Variants in FGD6 observed in about 807,000 individuals in gnomAD.
The protein encoded by FGD6 is FYVE, RhoGEF and PH domain containing 6, also known as FYVE, RhoGEF and PH domain-containing protein 6.
Under a neutral mutation model 149.4 loss-of-function variants are expected in FGD6, and 90 were observed. The ratio of observed to expected loss-of-function variants is 0.60; its 90% CI spans 0.51 to 0.72. The LOEUF (loss-of-function observed/expected upper bound fraction) is 0.72. Ranked by LOEUF, FGD6 falls within the 30% of genes least tolerant of loss-of-function variation. FGD6 has a pLI of 0.00. For synonymous variants in FGD6, 527 were observed against 584.0 expected, an observed-to-expected ratio of 0.90 and a Z score of 1.41; for missense variants, 1,437 against 1,684.8, an observed-to-expected ratio of 0.85 and a Z score of 2.57.
chr12:95,146,916 C>T (rs556479216), intron 5 of FGD6, among the ~76,000 whole-genome samples: 10 of 152,224 alleles, frequency 6.6e-5, no homozygotes, highest in Non-Finnish European at 5.9e-5. Context: ...GCATCTGAGG[C>T]AATGAAGCAC....
At chr12:95,096,855 T>C (rs1235396270) in intron 14 of FGD6, among the ~76,000 whole-genome samples, 1 of 152,246 alleles carries the variant, frequency 6.6e-6, no homozygotes, top group Non-Finnish European at 1.5e-5. Flanking sequence ...AACTACATGA[T>C]GAGAATACAT....
In FGD6 at chr12:95,177,735, A is replaced by C. The variant is rs115504840; in HGVS notation, c.2442-4991T>G. ...AAATTAGCAAAATAAATTTCAAGTT[A>C]TTTAGTAGTTATTATAGCACACTAA... is the stretch of plus-strand genomic sequence containing the variant. On this transcript the variant is annotated intron_variant, in intron 2 of 20. Coordinates refer to ENST00000343958, the MANE Select transcript of FGD6 (RefSeq NM_018351.4). 6.3e-3 allele frequency among the ~76,000 whole-genome samples: 965 copies of C among 152,264 alleles called. 16 individuals are homozygous for C. Among genetic ancestry groups the C allele is most frequent in the African/African-American group, 0.022 (914 of 41,548 alleles).
At chr12:95,205,203 G>T (rs1276669928) in intron 2 of FGD6, among the ~76,000 whole-genome samples, 1 of 152,044 alleles carries the variant, frequency 6.6e-6, no homozygotes, top group African/African-American at 2.4e-5. Flanking sequence ...AGGAGGTCAA[G>T]GCTACAGTGA....
At chr12:95,164,064 C>T (rs544984814) in intron 3 of FGD6, among the ~76,000 whole-genome samples, 5 of 152,266 alleles carry the variant, frequency 3.3e-5, no homozygotes, top group South Asian at 2.1e-4. Flanking sequence ...TAAATAACAG[C>T]GTCTCCCAAA....
chr12:95,174,426 G>A (rs1221729398), intron 2 of FGD6, among the ~76,000 whole-genome samples: 1 of 152,090 alleles, frequency 6.6e-6, no homozygotes, highest in Non-Finnish European at 1.5e-5. Context: ...ATCGGCAGCA[G>A]CATCACCTGG....
intron 7 of FGD6, 63 bp from the exon 8 acceptor site, chr12:95,134,889 A>C: frequency 2.2e-6 from 3 of 1,381,110 alleles, no homozygotes; most frequent in Non-Finnish European, 3.0e-6. Flanking sequence ...CCCAGATTCA[A>C]GTGCTCAGGA....
intron 5 of FGD6, among the ~76,000 whole-genome samples, chr12:95,150,966 G>C (rs1171824706): frequency 1.3e-5 from 2 of 151,932 alleles, no homozygotes; most frequent in Non-Finnish European, 2.9e-5. Context: ...CGTGGTGGAT[G>C]GCTGTGGTCC....
intron 16 of FGD6, among the ~76,000 whole-genome samples, chr12:95,092,206 C>T (rs192470818): frequency 1.3e-5 from 2 of 152,294 alleles, no homozygotes; most frequent in East Asian, 3.9e-4. Context: ...TTTTGGGCTC[C>T]ATACTAAATG....
Position 95,209,640 on chromosome 12 carries a change from G to A in FGD6, c.1644C>T (p.Asn548=). ...TATCAAAGGAGGATGACACACCACG[G>A]TTTTGGGCACACAAATGCTGAAGGT... ...RNHLQHLCAQ[N]RGVSSSFDMP... is the part of the protein sequence containing the mutation. The change falls in exon 2 of 21, where the codon AAC becomes AAT. Residue 548 remains asparagine, a synonymous_variant. Coordinates refer to ENST00000343958, the MANE Select transcript of FGD6 (RefSeq NM_018351.4). 1 of 1,613,394 alleles carries A rather than the reference G, an allele frequency of 6.2e-7. No individual in the cohort carries two copies. Among genetic ancestry groups the A allele is most frequent in the Middle Eastern group, 1.7e-4 (1 of 6,058 alleles).
rs1878041576 is a variant in FGD6, at chr12:95,091,110, A to C, written c.3850+597T>G. 2.6e-5 allele frequency among the ~76,000 whole-genome samples: 4 copies of C among 152,326 alleles called. No individual in the cohort carries two copies. In the South Asian group the frequency reaches 8.3e-4, roughly 32 times the overall value. ...CCCATCTCAAAAAATATATATAAAT[A>C]AAATTTAGATCCTACAGGTTTCAGG... is the stretch of plus-strand genomic sequence containing the variant. On this transcript the variant is annotated intron_variant, in intron 17 of 20. Transcript: ENST00000343958.
chr12:95,209,969 C>T lies in FGD6; in HGVS notation c.1315G>A (p.Ala439Thr). 1.2e-6 allele frequency: 2 copies of T among 1,612,158 alleles called. No homozygotes were observed. Among genetic ancestry groups the T allele is most frequent in the Non-Finnish European group, 1.7e-6 (2 of 1,179,326 alleles). The change falls in exon 2 of 21, where the codon GCT becomes ACT. Residue 439 changes from alanine (A) to threonine (T), a missense_variant. Ala to Thr is a moderately conservative substitution (Grantham distance 58, BLOSUM62 0). Coordinates refer to ENST00000343958, the MANE Select transcript of FGD6 (RefSeq NM_018351.4). ...ATAAAACCGGTCCCTTCGTCCACAG[C>T]AAGCGACATACTAGAACCATCTACA... The part of the protein sequence containing the change: ...TTVDGSSMSL[A>T]VDEGTGFIRC...
Position 95,137,465 on chromosome 12 carries a change from T to C in FGD6, c.2994+57A>G, listed in dbSNP as rs891941174. On this transcript the variant is annotated intron_variant, in intron 7 of 20. Transcript: ENST00000343958. Reference sequence around the variant, plus strand: ...GTTTTCAATGACTGCAACTTGTTATTAAAGCTTCAACAACAAAAAGAAAGA... The same window carrying C: ...GTTTTCAATGACTGCAACTTGTTATCAAAGCTTCAACAACAAAAAGAAAGA... The C allele has an allele frequency of 6.5e-6, 9 of 1,374,976 alleles. No individual in the cohort carries two copies. In the African/African-American group the frequency reaches 1.3e-4, roughly 20 times the overall value. 85.2% of individuals were successfully genotyped at this position (1,374,976 alleles called of 1,614,324 possible). A position where few individuals can be genotyped will look rare whatever the true frequency, so the allele number is the denominator to read the frequency against.
chr12:95,172,513 C>A, intron 3 of FGD6, 87 bp downstream of exon 3: 2 of 1,202,600 alleles, frequency 1.7e-6, no homozygotes, highest in Non-Finnish European at 1.1e-6. Context: ...TAAGAAAACT[C>A]ACAAGGGTTT....
At chr12:95,190,519 G>A (rs1881557499) in intron 2 of FGD6, among the ~76,000 whole-genome samples, 1 of 152,040 alleles carries the variant, frequency 6.6e-6, no homozygotes, top group African/African-American at 2.4e-5. Context: ...ATAGCTCTTA[G>A]GTAATACTCT....
At chr12:95,090,021 A>T (rs1565892697) in intron 17 of FGD6, among the ~76,000 whole-genome samples, 3 of 152,174 alleles carry the variant, frequency 2.0e-5, no homozygotes, top group African/African-American at 7.2e-5. Context: ...GAACCCTGGT[A>T]TTGTTAAGTG....
chr12:95,097,895 T>C (rs1280115505), intron 14 of FGD6, among the ~76,000 whole-genome samples: 2 of 152,108 alleles, frequency 1.3e-5, no homozygotes, highest in Admixed American at 6.6e-5. Context: ...ATAAATAACA[T>C]AGAAGTAGTA....
rs1555215606 is a variant in FGD6 at position 95,083,030 on chromosome 12, TACACACAC to T, written c.4256+1460_4256+1467del. Among the ~76,000 whole-genome samples, 65 of 56,596 alleles carry T rather than the reference TACACACAC, an allele frequency of 1.1e-3. 4 individuals carry two copies. The highest frequency in any genetic ancestry group is 4.9e-3 in the African/African-American group (61 of 12,364). The allele number at this position is 56,596 out of a possible 152,430, so 37.1% of individuals were successfully genotyped here. A position where few individuals can be genotyped will look rare whatever the true frequency, so the allele number is the denominator to read the frequency against. ...AAAAAAAAATATATATATATATATA[TACACACAC>T]ATACACACACACACACACACACACA... On this transcript the variant is annotated intron_variant, in intron 20 of 20. Transcript: ENST00000343958.
chr12:95,143,283 GT>G (rs1225492589), intron 5 of FGD6, among the ~76,000 whole-genome samples: 4 of 56,876 alleles, frequency 7.0e-5, no homozygotes, highest in African/African-American at 1.0e-4. Flanking sequence ...CATGAGGTTT[GT>G]TTTTTTTTGT....
Position 95,210,863 on chromosome 12 carries a change from T to G in FGD6, c.421A>C (p.Asn141His). 2 of 1,610,544 alleles carry G rather than the reference T, an allele frequency of 1.2e-6. No homozygotes were observed. Among genetic ancestry groups the G allele is most frequent in the Non-Finnish European group, 1.7e-6 (2 of 1,179,224 alleles). ...LVLEPLEMNENLENSKIDETL... is the reference protein window; with the variant it reads ...LVLEPLEMNEHLENSKIDETL... ...TCATCAATTTTACTGTTTTCTAAATTTTCATTCATTTCCAGGGGCTCTAAA... is the reference window on the plus strand; with the variant it reads ...TCATCAATTTTACTGTTTTCTAAATGTTCATTCATTTCCAGGGGCTCTAAA... The change falls in exon 2 of 21, where the codon AAT (asparagine) becomes CAT (histidine). Residue 141 changes from asparagine to histidine, a missense_variant. Transcript: ENST00000343958.
Sources: allele counts gnomAD v4.1 joint callset (sites outside exome capture counted in the v4.1 genomes callset), GRCh38; gene constraint gnomAD v4.1.1; transcripts MANE v1.5; gene names NCBI Gene and HGNC (gene_info 2026-07-23, HGNC 2026-07-21).